Variants in AGAP1 observed in about 807,000 individuals in gnomAD.
The protein encoded by AGAP1 is ArfGAP with GTPase domain, ankyrin repeat and PH domain 1.
AGAP1 carries 29 observed loss-of-function variants against 105.3 expected under a neutral mutation model. The observed-to-expected ratio is 0.28, with a 90% CI of 0.21 to 0.38. The LOEUF (loss-of-function observed/expected upper bound fraction) is 0.38. Ranked by LOEUF, AGAP1 falls within the 10% of genes least tolerant of loss-of-function variation. The pLI, the probability that AGAP1 is intolerant of heterozygous loss-of-function variation, is 1.00. For synonymous variants in AGAP1, 509 were observed against 485.9 expected, an observed-to-expected ratio of 1.05 and a Z score of -0.63; for missense variants, 998 against 1,165.1, an observed-to-expected ratio of 0.86 and a Z score of 2.09.
chr2:236,102,178 G>A lies in AGAP1; in HGVS notation c.2115-18014G>A, dbSNP rs188855178. 9.9e-4 allele frequency among the ~76,000 whole-genome samples: 151 copies of A among 152,286 alleles called. 2 individuals carry two copies. Among genetic ancestry groups the A allele is most frequent in the Admixed American group, 2.8e-3 (43 of 15,296 alleles). ...CACGCCTGTAATCCCAGCACTTTGG[G>A]AGGCCAAGGCGGGCGGATCACAAGG... On this transcript the variant is annotated intron_variant, in intron 16 of 17. Coordinates refer to ENST00000304032, the MANE Select transcript of AGAP1 (RefSeq NM_001037131.3).
chr2:236,089,943 G>GA lies in AGAP1; in HGVS notation c.2115-30238dup, dbSNP rs367987079. Among the ~76,000 whole-genome samples the GA allele has an allele frequency of 0.018, 2,644 of 146,008 alleles. 76 individuals are homozygous for GA. The highest frequency in any genetic ancestry group is 0.059 in the African/African-American group (2,351 of 40,124). On this transcript the variant is annotated intron_variant, in intron 16 of 17. Coordinates refer to ENST00000304032, the MANE Select transcript of AGAP1 (RefSeq NM_001037131.3). The surrounding 1 kb of genome is among the most constrained non-coding windows in gnomAD (Gnocchi z 5.6). ...TCAAGTCGTACTTATAACTAGGTTG[G>GA]AAAAAAAAAAACTCACACTGCTCCT...
intron 12 of AGAP1, among the ~76,000 whole-genome samples, chr2:235,950,682 A>G (rs1010344454): frequency 6.6e-6 from 1 of 152,202 alleles, no homozygotes; most frequent in Non-Finnish European, 1.5e-5. Context: ...TCCAGCAGCC[A>G]CAGGAGGTCA....
At chr2:235,571,955 T>TGTGTGTGTGTGG (rs1944532113) in intron 1 of AGAP1, among the ~76,000 whole-genome samples, 1 of 123,056 alleles carries the variant, frequency 8.1e-6, no homozygotes, top group African/African-American at 3.2e-5. Flanking sequence ...TGTGTGTGTG[T>TGTGTGTGTGTGG]GTGTATACAT....
intron 1 of AGAP1, among the ~76,000 whole-genome samples, chr2:235,606,975 C>T (rs1945962485): frequency 6.8e-6 from 1 of 146,520 alleles, no homozygotes; most frequent in African/African-American, 2.5e-5. Context: ...AAAAGCACTG[C>T]TTACCTTAAA....
chr2:235,682,298 A>G (rs1326090514), intron 1 of AGAP1, among the ~76,000 whole-genome samples: 1 of 152,070 alleles, frequency 6.6e-6, no homozygotes, highest in African/African-American at 2.4e-5. Context: ...TTGGTGGCCA[A>G]GAATGAGGCG....
chr2:235,691,921 C>A lies in AGAP1; in HGVS notation c.164-17258C>A, dbSNP rs532889391. On this transcript the variant is annotated intron_variant, in intron 1 of 17. Coordinates refer to ENST00000304032, the MANE Select transcript of AGAP1 (RefSeq NM_001037131.3). This position sits in a 1 kb window ranked among gnomAD's most constrained non-coding sequence, Gnocchi z 4.4. ...GCAAAATCGGAGTTCCTAGTAGAAA[C>A]AGACATGCAGCATATTGTGAAATGT... Among the ~76,000 whole-genome samples, 12 of 152,162 alleles carry A rather than the reference C, an allele frequency of 7.9e-5. No homozygotes were observed. Among genetic ancestry groups the A allele is most frequent in the Admixed American group, 2.0e-4 (3 of 15,280 alleles).
At chr2:235,722,309 C>T (rs1474838549) in intron 3 of AGAP1, among the ~76,000 whole-genome samples, 1 of 152,196 alleles carries the variant, frequency 6.6e-6, no homozygotes, top group Non-Finnish European at 1.5e-5. Flanking sequence ...CTTCTGCAGA[C>T]TTTGAGGTTG....
intron 13 of AGAP1, among the ~76,000 whole-genome samples, chr2:236,033,668 G>A (rs1359765040): frequency 2.6e-5 from 4 of 152,238 alleles, no homozygotes; most frequent in African/African-American, 9.6e-5. Context: ...CCTGCATGCT[G>A]GAATCCCTTC....
In AGAP1 at chr2:235,965,723, GTGTT is replaced by G. The variant is rs1367251625; in HGVS notation, c.1484-2736_1484-2733del. On this transcript the variant is annotated intron_variant, in intron 12 of 17. Transcript: ENST00000304032. The surrounding 1 kb of genome is among the most constrained non-coding windows in gnomAD (Gnocchi z 5.8). ...CCTGTTGGGTAGTAACTTTGGATGAGTGTTTGCTGTTGAGACTGTGGCTTCAAGG... is the reference window on the plus strand; with the variant it reads ...CCTGTTGGGTAGTAACTTTGGATGAGTGCTGTTGAGACTGTGGCTTCAAGG... Among the ~76,000 whole-genome samples, 1 of 152,178 alleles carries G rather than the reference GTGTT, an allele frequency of 6.6e-6. No homozygotes were observed. The highest frequency in any genetic ancestry group is 1.5e-5 in the Non-Finnish European group (1 of 68,036).
At chr2:235,617,918 C>G (rs771011942) in intron 1 of AGAP1, among the ~76,000 whole-genome samples, 2 of 152,022 alleles carry the variant, frequency 1.3e-5, no homozygotes, top group Non-Finnish European at 2.9e-5. Flanking sequence ...ACTAAGATGG[C>G]AGTTGGGGGA....
intron 3 of AGAP1, among the ~76,000 whole-genome samples, chr2:235,722,623 G>C (rs1951444005): frequency 6.6e-6 from 1 of 152,082 alleles, no homozygotes; most frequent in Non-Finnish European, 1.5e-5. Context: ...TGGATTTAGG[G>C]CCCATCCTCC....
chr2:236,109,930 G>C lies in AGAP1; in HGVS notation c.2115-10262G>C, dbSNP rs981966843. Among the ~76,000 whole-genome samples, 1 of 152,212 alleles carries C rather than the reference G, an allele frequency of 6.6e-6. No homozygotes were observed. The highest frequency in any genetic ancestry group is 1.5e-5 in the Non-Finnish European group (1 of 68,036). On this transcript the variant is annotated intron_variant, in intron 16 of 17. Transcript: ENST00000304032. This position sits in a 1 kb window ranked among gnomAD's most constrained non-coding sequence, Gnocchi z 5.4. ...AGAACCAAGTGTTAAGATGGCCAAA[G>C]GGAGAGCATGAGAAAATGATGCTGT...
rs1426040836 is a variant in AGAP1, at chr2:235,734,423, C to T, written c.311-6540C>T. ...GTGGCCCCACTGCATCTTGATCAGA[C>T]ACTGCCATGAGGTCCCTCCCCTCTC... On this transcript the variant is annotated intron_variant, in intron 3 of 17. Coordinates refer to ENST00000304032, the MANE Select transcript of AGAP1 (RefSeq NM_001037131.3). The surrounding 1 kb of genome is among the most constrained non-coding windows in gnomAD (Gnocchi z 5.3). 2.0e-5 allele frequency among the ~76,000 whole-genome samples: 3 copies of T among 151,852 alleles called. No individual in the cohort carries two copies. Among genetic ancestry groups the T allele is most frequent in the Non-Finnish European group, 4.4e-5 (3 of 67,992 alleles).
intron 14 of AGAP1, among the ~76,000 whole-genome samples, chr2:236,039,993 C>G (rs927466706): frequency 6.6e-6 from 1 of 152,022 alleles, no homozygotes; most frequent in Non-Finnish European, 1.5e-5. Context: ...CACCTGTAAT[C>G]TCAACACTAT....
rs777953731 is a variant in AGAP1, at chr2:236,126,498, A to C, written c.*2376A>C. The stretch of plus-strand genomic sequence containing the variant: ...GAACTCCTTGAGGCTTCTCTTTGGG[A>C]TGTATATGAGCGTGTACATATTATT... On this transcript the variant is annotated 3_prime_UTR_variant, in exon 18 of 18. Coordinates refer to ENST00000304032, the MANE Select transcript of AGAP1 (RefSeq NM_001037131.3). The C allele has an allele frequency of 6.6e-6, 1 of 152,246 alleles. No individual in the cohort carries two copies. Among genetic ancestry groups the C allele is most frequent in the Non-Finnish European group, 1.5e-5 (1 of 68,022 alleles). 9.4% of individuals were successfully genotyped at this position (152,246 alleles called of 1,614,324 possible).
chr2:235,803,225 T>C (rs1957671178), intron 8 of AGAP1, among the ~76,000 whole-genome samples: 1 of 151,694 alleles, frequency 6.6e-6, no homozygotes, highest in Admixed American at 6.6e-5. Flanking sequence ...TGATGATGCA[T>C]GCGGTGTAGT....
rs1374494351 is a variant in AGAP1 at position 235,714,649 on chromosome 2, G to A, written c.223-2908G>A. Among the ~76,000 whole-genome samples the A allele has an allele frequency of 2.6e-5, 4 of 151,828 alleles. No homozygotes were observed. Among genetic ancestry groups the A allele is most frequent in the East Asian group, 3.9e-4 (2 of 5,130 alleles). On this transcript the variant is annotated intron_variant, in intron 2 of 17. Transcript: ENST00000304032. This position sits in a 1 kb window ranked among gnomAD's most constrained non-coding sequence, Gnocchi z 4.1. ...TGGCTGATGAGTAGAGAGTGGGAGC[G>A]GCCAGGACTGGGTGACAGAGAACAT... is the stretch of plus-strand genomic sequence containing the variant.
intron 11 of AGAP1, among the ~76,000 whole-genome samples, chr2:235,929,350 G>A (rs1228303346): frequency 2.0e-5 from 3 of 152,226 alleles, no homozygotes; most frequent in Non-Finnish European, 2.9e-5. Context: ...CTGTAGGTCC[G>A]AAGACCACAA....
At chr2:235,804,310 C>T (rs557926936) in intron 8 of AGAP1, among the ~76,000 whole-genome samples, 3 of 152,242 alleles carry the variant, frequency 2.0e-5, no homozygotes, top group Admixed American at 6.5e-5. Flanking sequence ...TTTTAAAAAG[C>T]TTACCATATA....
Sources: gnomAD v4.1 joint callset for allele counts (sites outside exome capture counted in the v4.1 genomes callset) on GRCh38, gnomAD v4.1.1 for gene constraint, Gnocchi (gnomAD v3.1) non-coding constraint, MANE v1.5 for transcripts, NCBI Gene and HGNC (gene_info 2026-07-23, HGNC 2026-07-21) for gene names.